The following ARHGAP21 variants were observed in gnomAD, a reference collection of about 807,000 sequenced individuals.
The protein encoded by ARHGAP21 is rho GTPase-activating protein 21.
In ARHGAP21, 38 loss-of-function variants were observed where a neutral mutation model predicts 164.6. The observed-to-expected ratio is 0.23, with a 90% CI of 0.18 to 0.30. The LOEUF is 0.30. Among genes scored for constraint, ARHGAP21 ranks in the 10% least tolerant of loss-of-function variants. ARHGAP21 has a pLI of 1.00. For synonymous variants in ARHGAP21, 766 were observed against 857.9 expected, an observed-to-expected ratio of 0.89 and a Z score of 1.87; for missense variants, 1,822 against 2,370.7, an observed-to-expected ratio of 0.77 and a Z score of 4.81.
At chr10:24,678,550 G>C (rs1284949303) in intron 2 of ARHGAP21, among the ~76,000 whole-genome samples, 1 of 152,164 alleles carries the variant, frequency 6.6e-6, no homozygotes, top group African/African-American at 2.4e-5. Flanking sequence ...GCCCAGGCTG[G>C]AATGCAGTGG....
chr10:24,620,484 A>G lies in ARHGAP21; in HGVS notation c.1411T>C (p.Tyr471His), dbSNP rs1328908405. 8 of 1,611,744 alleles carry G rather than the reference A, an allele frequency of 5.0e-6. No individual in the cohort carries two copies. The highest frequency in any genetic ancestry group is 6.8e-6 in the Non-Finnish European group (8 of 1,178,360). ...ERLEDSVLMK[Y>H]CPRSASQGAL... ...CCTTGAGATGCACTTCTTGGACAAT[A>G]CTTCATTAGCACAGAATCTTCCAGT... The change falls in exon 9 of 26, where the codon TAT becomes CAT. Residue 471 changes from tyrosine (Y) to histidine (H), a missense_variant. Tyr to His is a moderately conservative substitution (Grantham distance 83). Coordinates refer to ENST00000396432, the MANE Select transcript of ARHGAP21 (RefSeq NM_020824.4).
intron 2 of ARHGAP21, among the ~76,000 whole-genome samples, chr10:24,720,480 C>T (rs1454870042): frequency 6.6e-6 from 1 of 152,180 alleles, no homozygotes; most frequent in Non-Finnish European, 1.5e-5. Context: ...TCCACTTAAT[C>T]ATGCTTTTGC....
intron 4 of ARHGAP21, among the ~76,000 whole-genome samples, chr10:24,656,947 G>GT (rs1839068138): frequency 7.9e-6 from 1 of 126,282 alleles, no homozygotes; most frequent in Non-Finnish European, 1.8e-5. Context: ...GTGGGGGGGG[G>GT]GTCAGCCCCC....
intron 2 of ARHGAP21, among the ~76,000 whole-genome samples, chr10:24,712,661 G>A (rs1028344602): frequency 6.6e-6 from 1 of 152,012 alleles, no homozygotes; most frequent in Non-Finnish European, 1.5e-5. Flanking sequence ...TTGAATCCAC[G>A]AATGTGCAAC....
chr10:24,645,617 G>A (rs1432386235), intron 4 of ARHGAP21, among the ~76,000 whole-genome samples: 3 of 151,608 alleles, frequency 2.0e-5, no homozygotes, highest in Non-Finnish European at 4.4e-5. Context: ...TTCTAGTTTG[G>A]TGGAGGATAT....
Position 24,621,342 on chromosome 10 carries a change from C to T in ARHGAP21, c.553G>A (p.Gly185Ser), listed in dbSNP as rs749833119. 3 of 1,605,470 alleles carry T rather than the reference C, an allele frequency of 1.9e-6. No homozygotes were observed. In the African/African-American group the frequency reaches 4.0e-5, roughly 21 times the overall value. The change falls in exon 9 of 26, where the codon GGC (glycine) becomes AGC (serine). Residue 185 changes from glycine to serine, a missense_variant. Transcript: ENST00000396432. ...LAYSQDAYLK[G>S]NEAYSGNARN... is the part of the protein sequence containing the mutation. ...GCATTGCCGCTATAAGCTTCGTTGC[C>T]TTTCAGGTAGGCATCTTGAGAATAT...
chr10:24,717,155 G>A (rs1845467544), intron 2 of ARHGAP21, among the ~76,000 whole-genome samples: 1 of 152,142 alleles, frequency 6.6e-6, no homozygotes, highest in Non-Finnish European at 1.5e-5. Flanking sequence ...TGAGCTTTGA[G>A]GTGTAGAAAG....
intron 2 of ARHGAP21, among the ~76,000 whole-genome samples, chr10:24,717,736 A>G (rs183291471): frequency 7.5e-4 from 114 of 152,290 alleles, no homozygotes; most frequent in African/African-American, 2.6e-3. Flanking sequence ...GGAAATGGGA[A>G]GACAGAAAAT....
intron 7 of ARHGAP21, 82 bp from the exon 8 acceptor site, chr10:24,622,844 G>T: frequency 7.1e-7 from 1 of 1,414,146 alleles, no homozygotes; most frequent in Non-Finnish European, 9.8e-7. Flanking sequence ...TGCTGGAAAC[G>T]GCAAGCTAAA....
Position 24,621,495 on chromosome 10 carries a change from T to C in ARHGAP21, c.526-126A>G, listed in dbSNP as rs1593058378. Reference sequence around the variant, plus strand: ...TGAGTGACATTCACTATAGCATGCATGCAAACACAACATAAGGGTACTCTA... The same window carrying C: ...TGAGTGACATTCACTATAGCATGCACGCAAACACAACATAAGGGTACTCTA... On this transcript the variant is annotated intron_variant, in intron 8 of 25. Transcript: ENST00000396432. The C allele has an allele frequency of 6.2e-6, 5 of 804,884 alleles. 1 individual carries two copies. The South Asian group carries it at 7.5e-5, about 12-fold the overall frequency. The allele number at this position is 804,884 out of a possible 1,614,324, so 49.9% of individuals were successfully genotyped here.
intron 7 of ARHGAP21, among the ~76,000 whole-genome samples, chr10:24,627,143 G>T (rs1835216636): frequency 6.6e-6 from 1 of 151,710 alleles, no homozygotes. Context: ...TTCAGGAAAA[G>T]AAAAAAAACC....
chr10:24,601,216 A>G (rs562161666), intron 13 of ARHGAP21, among the ~76,000 whole-genome samples: 1 of 152,264 alleles, frequency 6.6e-6, no homozygotes, highest in Admixed American at 6.5e-5. Flanking sequence ...GTAGCAAAAC[A>G]TATCAAAAAC....
chr10:24,670,597 AT>A lies in ARHGAP21; in HGVS notation c.64-201del, dbSNP rs544035048. 2.4e-3 allele frequency among the ~76,000 whole-genome samples: 371 copies of A among 152,188 alleles called. 5 individuals carry two copies. Among genetic ancestry groups the A allele is most frequent in the Middle Eastern group, 0.01 (3 of 294 alleles). Reference sequence around the variant, plus strand: ...AAGCAAGCAATTATCAAAACCTAGAATTTTTTTCTAGAAAATAATGCCATAA... The same window carrying A: ...AAGCAAGCAATTATCAAAACCTAGAATTTTTTCTAGAAAATAATGCCATAA... On this transcript the variant is annotated intron_variant, in intron 2 of 25. Coordinates refer to ENST00000396432, the MANE Select transcript of ARHGAP21 (RefSeq NM_020824.4).
chr10:24,700,309 T>A (rs1171028090), intron 2 of ARHGAP21, among the ~76,000 whole-genome samples: 1 of 152,176 alleles, frequency 6.6e-6, no homozygotes, highest in African/African-American at 2.4e-5. Flanking sequence ...CACAAGGTGA[T>A]GAGTGTGGAA....
chr10:24,588,644 A>G (rs1564951818), intron 25 of ARHGAP21, among the ~76,000 whole-genome samples: 1 of 152,236 alleles, frequency 6.6e-6, no homozygotes, highest in Non-Finnish European at 1.5e-5. Flanking sequence ...TCAACAGTGC[A>G]AAATTTAGAT....
intron 2 of ARHGAP21, among the ~76,000 whole-genome samples, chr10:24,696,117 G>T (rs889236998): frequency 6.6e-6 from 1 of 152,230 alleles, no homozygotes; most frequent in Admixed American, 6.5e-5. Context: ...ATAGTTTCCA[G>T]GCATTGGACA....
chr10:24,708,563 G>A (rs923902030), intron 2 of ARHGAP21, among the ~76,000 whole-genome samples: 14 of 152,210 alleles, frequency 9.2e-5, no homozygotes, highest in Middle Eastern at 3.4e-3. Context: ...CTAATTTATC[G>A]TCATTCACCT....
At chr10:24,640,737 G>C (rs1836920794) in intron 4 of ARHGAP21, among the ~76,000 whole-genome samples, 1 of 152,002 alleles carries the variant, frequency 6.6e-6, no homozygotes, top group Non-Finnish European at 1.5e-5. Flanking sequence ...TTATGTCTGA[G>C]TGATGAAAAG....
intron 2 of ARHGAP21, among the ~76,000 whole-genome samples, chr10:24,714,590 A>C (rs1333002490): frequency 6.6e-6 from 1 of 152,208 alleles, no homozygotes. Context: ...CCTAACTTGC[A>C]GCATAAAACT....
Sources: gnomAD v4.1 joint callset for allele counts (sites outside exome capture counted in the v4.1 genomes callset) on GRCh38, gnomAD v4.1.1 for gene constraint, MANE v1.5 for transcripts, NCBI Gene and HGNC (gene_info 2026-07-23, HGNC 2026-07-21) for gene names.